The following FILIP1 variants were observed in gnomAD, a reference collection of about 807,000 sequenced individuals.
FILIP1 encodes filamin-A-interacting protein 1.
In FILIP1, 61 loss-of-function variants were observed where a neutral mutation model predicts 102.1. That is an observed-to-expected ratio of 0.60 (90% CI 0.49 to 0.74). The LOEUF (loss-of-function observed/expected upper bound fraction) is 0.74, where lower values mean the gene tolerates loss of function less well. FILIP1 is among the 30% of genes least tolerant of loss of function. The pLI is 0.00. For missense variants in FILIP1, 1,314 were observed against 1,441.2 expected, an observed-to-expected ratio of 0.91 and a Z score of 1.43; for synonymous variants, 491 against 526.9, an observed-to-expected ratio of 0.93 and a Z score of 0.93.
intron 2 of FILIP1, among the ~76,000 whole-genome samples, chr6:75,376,996 AT>A (rs146200792): frequency 3.4e-4 from 51 of 151,490 alleles, no homozygotes; most frequent in Non-Finnish European, 4.4e-4. Flanking sequence ...TTTTCTTAGT[AT>A]TTTTTTTTAA....
chr6:75,397,603 T>A (rs7753898), intron 2 of FILIP1, among the ~76,000 whole-genome samples: 292 of 15,690 alleles, frequency 0.019, 2 homozygotes, highest in African/African-American at 0.063. Flanking sequence ...TATATATATA[T>A]AATTCCAAGT....
chr6:75,357,148 T>C (rs981688040), intron 3 of FILIP1: 3 of 152,218 alleles, frequency 2.0e-5, no homozygotes, highest in Non-Finnish European at 4.4e-5. Context: ...AGCCCTTTCA[T>C]TTCTTATTTT....
chr6:75,388,001 T>C (rs904470899), intron 2 of FILIP1, among the ~76,000 whole-genome samples: 2 of 152,170 alleles, frequency 1.3e-5, no homozygotes, highest in Non-Finnish European at 1.5e-5. Flanking sequence ...TCTTCTAGGG[T>C]TTTTATGGTT....
intron 2 of FILIP1, among the ~76,000 whole-genome samples, chr6:75,398,397 T>C (rs1776537435): frequency 6.6e-6 from 1 of 152,142 alleles, no homozygotes; most frequent in Non-Finnish European, 1.5e-5. Context: ...TTTGTAACCT[T>C]GCCTGCAAAC....
At chr6:75,486,139 G>A (rs1779782931) in intron 1 of FILIP1, among the ~76,000 whole-genome samples, 1 of 152,164 alleles carries the variant, frequency 6.6e-6, no homozygotes. Context: ...GAGACTGGCA[G>A]CACATTCAAA....
intron 1 of FILIP1, among the ~76,000 whole-genome samples, chr6:75,441,840 C>T (rs1378314237): frequency 1.6e-5 from 2 of 124,692 alleles, no homozygotes; most frequent in African/African-American, 3.2e-5. Context: ...GGGGGGCTGG[C>T]CCCCCCACCT....
At chr6:75,362,616 T>A (rs1775204137) in intron 3 of FILIP1, 128 bp downstream of exon 3, 1 of 736,534 alleles carries the variant, frequency 1.4e-6, no homozygotes, top group Admixed American at 2.8e-5. Context: ...AATTACACTT[T>A]AATTGTATAT....
chr6:75,334,836 A>G (rs1774188171), intron 4 of FILIP1: 1 of 152,134 alleles, frequency 6.6e-6, no homozygotes, highest in Admixed American at 6.6e-5. Context: ...CTAACTGATG[A>G]TGTCATTCCT....
chr6:75,489,367 T>C (rs1779890474), intron 1 of FILIP1, among the ~76,000 whole-genome samples: 1 of 152,094 alleles, frequency 6.6e-6, no homozygotes, highest in Non-Finnish European at 1.5e-5. Context: ...CCAAGCAGGA[T>C]TCCAAACTTA....
chr6:75,383,269 C>A (rs1267499251), intron 2 of FILIP1, among the ~76,000 whole-genome samples: 1 of 152,112 alleles, frequency 6.6e-6, no homozygotes, highest in Non-Finnish European at 1.5e-5. Flanking sequence ...GTGGAAATAG[C>A]AAAATCCTAT....
At chr6:75,414,620 G>T in intron 2 of FILIP1, 77 bp downstream of exon 2, 2 of 1,343,972 alleles carry the variant, frequency 1.5e-6, no homozygotes, top group Non-Finnish European at 2.1e-6. Flanking sequence ...ACTCAGAGAG[G>T]GGAACAGATT....
chr6:75,431,246 C>T (rs935602618), intron 1 of FILIP1, among the ~76,000 whole-genome samples: 7 of 152,110 alleles, frequency 4.6e-5, no homozygotes, highest in Admixed American at 2.6e-4. Flanking sequence ...AGTTTGGCTA[C>T]GTTCCTATAA....
intron 1 of FILIP1, among the ~76,000 whole-genome samples, chr6:75,475,058 CCA>C (rs1457701645): frequency 1.3e-5 from 2 of 152,124 alleles, no homozygotes; most frequent in Non-Finnish European, 2.9e-5. Context: ...GCCTGCAGAA[CCA>C]TGAGCCAATT....
intron 1 of FILIP1, among the ~76,000 whole-genome samples, chr6:75,492,461 T>C (rs1391690215): frequency 6.6e-6 from 1 of 152,128 alleles, no homozygotes; most frequent in East Asian, 1.9e-4. Flanking sequence ...AGGTAAAATA[T>C]TTTTATGGAA....
chr6:75,307,969 C>T (rs1023565013), downstream of FILIP1: 17 of 881,334 alleles, frequency 1.9e-5, no homozygotes, highest in South Asian at 5.2e-5. Context: ...GAATAGAGCA[C>T]GAGTCTGACA....
At chr6:75,365,567 A>G (rs573976062) in intron 2 of FILIP1, among the ~76,000 whole-genome samples, 1 of 152,138 alleles carries the variant, frequency 6.6e-6, no homozygotes, top group Non-Finnish European at 1.5e-5. Flanking sequence ...TTGTATTTTT[A>G]GTAGAGACAG....
intron 1 of FILIP1, among the ~76,000 whole-genome samples, chr6:75,431,181 C>G (rs1777811046): frequency 6.6e-6 from 1 of 152,114 alleles, no homozygotes; most frequent in South Asian, 2.1e-4. Context: ...AGAGGAAGGT[C>G]AAGGAACGTT....
At chr6:75,375,804 T>G (rs1775732142) in intron 2 of FILIP1, among the ~76,000 whole-genome samples, 1 of 152,242 alleles carries the variant, frequency 6.6e-6, no homozygotes, top group African/African-American at 2.4e-5. Context: ...ATCTATTCAT[T>G]TTAGCCTCTG....
intron 1 of FILIP1, among the ~76,000 whole-genome samples, chr6:75,486,272 A>G (rs551595836): frequency 6.6e-6 from 1 of 152,250 alleles, no homozygotes; most frequent in African/African-American, 2.4e-5. Flanking sequence ...TTGGGAATCA[A>G]CCCAGCGTGT....
Sources: gnomAD v4.1 joint callset for allele counts (sites outside exome capture counted in the v4.1 genomes callset) on GRCh38, gnomAD v4.1.1 for gene constraint, MANE v1.5 for transcripts, NCBI Gene and HGNC (gene_info 2026-07-23, HGNC 2026-07-21) for gene names.